SNTG1: variants seen among roughly 807,000 people sequenced by gnomAD.
SNTG1 encodes the protein gamma-1-syntrophin.
A neutral mutation model predicts 74.7 loss-of-function variants in SNTG1; 39 were observed. That is an observed-to-expected ratio of 0.52 (90% confidence interval 0.40 to 0.68). The LOEUF is 0.68. Ranked by LOEUF, SNTG1 falls within the 30% of genes least tolerant of loss-of-function variation. The pLI is 0.00. For synonymous variants in SNTG1, 254 were observed against 217.1 expected (o/e 1.17, Z -1.49); for missense variants, 685 against 609.5 (o/e 1.12, Z -1.30).
At chr8:50,039,739 A>G (rs540424970) in intron 1 of SNTG1, among the ~76,000 whole-genome samples, 21 of 152,046 alleles carry the variant, frequency 1.4e-4, no homozygotes, top group Non-Finnish European at 2.9e-4. Flanking sequence ...GAATTTTACT[A>G]GTTTGTATGC....
At chr8:50,282,303 G>A (rs1304042198) in intron 2 of SNTG1, among the ~76,000 whole-genome samples, 1 of 152,150 alleles carries the variant, frequency 6.6e-6, no homozygotes, top group East Asian at 1.9e-4. Context: ...CTGTCAGTTT[G>A]TAAGAGAGAG....
intron 2 of SNTG1, among the ~76,000 whole-genome samples, chr8:50,297,079 A>T (rs748036843): frequency 7.9e-5 from 12 of 152,168 alleles, no homozygotes; most frequent in Non-Finnish European, 1.6e-4. Context: ...CATGGTCTTT[A>T]ATTTCATGGA....
intron 1 of SNTG1, among the ~76,000 whole-genome samples, chr8:50,157,618 T>C (rs1017021226): frequency 5.7e-4 from 87 of 152,246 alleles, no homozygotes; most frequent in Middle Eastern, 6.8e-3. Context: ...TTATGGAATT[T>C]CCCCGAGCTT....
intron 2 of SNTG1, among the ~76,000 whole-genome samples, chr8:50,364,415 CG>C (rs2092048949): frequency 6.6e-6 from 1 of 152,118 alleles, no homozygotes; most frequent in African/African-American, 2.4e-5. Flanking sequence ...TCTATGACAT[CG>C]TAATTTCACA....
chr8:50,380,414 A>AT (rs1488784475), intron 2 of SNTG1, among the ~76,000 whole-genome samples: 1 of 152,214 alleles, frequency 6.6e-6, no homozygotes, highest in Non-Finnish European at 1.5e-5. Context: ...TAAATTTTGC[A>AT]TATTTCATTA....
chr8:49,991,981 A>G (rs1163504085), intron 1 of SNTG1, among the ~76,000 whole-genome samples: 1 of 152,212 alleles, frequency 6.6e-6, no homozygotes, highest in Non-Finnish European at 1.5e-5. Flanking sequence ...GCTGTTAAAA[A>G]ATAATGTCTG....
At chr8:50,122,098 G>A (rs2081015462) in intron 1 of SNTG1, among the ~76,000 whole-genome samples, 1 of 140,512 alleles carries the variant, frequency 7.1e-6, no homozygotes, top group Non-Finnish European at 1.6e-5. Context: ...TTGGTTTAGG[G>A]ACCCCCAGTG....
chr8:49,993,811 G>A (rs2130350028), intron 1 of SNTG1, among the ~76,000 whole-genome samples: 1 of 152,240 alleles, frequency 6.6e-6, no homozygotes, highest in Middle Eastern at 3.4e-3. Context: ...TATCATTGAT[G>A]GGATTTTGGG....
intron 15 of SNTG1, among the ~76,000 whole-genome samples, chr8:50,693,945 G>A (rs1482026923): frequency 6.6e-6 from 1 of 151,720 alleles, no homozygotes; most frequent in Non-Finnish European, 1.5e-5. Context: ...AAAACCTATG[G>A]GATACAGAAA....
At chr8:50,000,187 T>G (rs1005800157) in intron 1 of SNTG1, among the ~76,000 whole-genome samples, 6 of 152,130 alleles carry the variant, frequency 3.9e-5, no homozygotes, top group East Asian at 3.9e-4. Flanking sequence ...TCTGCTTCTG[T>G]TTTTCCTGCT....
At chr8:50,161,136 T>C (rs2082402940) in intron 1 of SNTG1, among the ~76,000 whole-genome samples, 1 of 152,212 alleles carries the variant, frequency 6.6e-6, no homozygotes, top group South Asian at 2.1e-4. Flanking sequence ...TGATGATCCA[T>C]GAAAGAACTT....
chr8:50,318,057 C>G (rs890679110), intron 2 of SNTG1, among the ~76,000 whole-genome samples: 1 of 152,044 alleles, frequency 6.6e-6, no homozygotes, highest in Non-Finnish European at 1.5e-5. Context: ...AGGAAGGTCT[C>G]GATCTCCTGA....
At chr8:49,993,248 G>T (rs1211489632) in intron 1 of SNTG1, among the ~76,000 whole-genome samples, 1 of 152,018 alleles carries the variant, frequency 6.6e-6, no homozygotes, top group Admixed American at 6.6e-5. Context: ...CAAAGCGGGA[G>T]GGGGGCACTT....
Position 50,451,848 on chromosome 8 carries a change from A to C in SNTG1, c.363+1119A>C, listed in dbSNP as rs149440452. Among the ~76,000 whole-genome samples the C allele has an allele frequency of 3.5e-3, 528 of 152,324 alleles. 3 individuals are homozygous for C. The highest frequency in any genetic ancestry group is 6.3e-3 in the Non-Finnish European group (426 of 68,038). On this transcript the variant is annotated intron_variant, in intron 8 of 18. Transcript: ENST00000642720. ...ACATGTCTGTCGTGGTTGAATAAATATCATTCAAAAACCTCACTGATTTCT... is the reference window on the plus strand; with the variant it reads ...ACATGTCTGTCGTGGTTGAATAAATCTCATTCAAAAACCTCACTGATTTCT...
chr8:50,720,246 C>G (rs1445410335), intron 17 of SNTG1, among the ~76,000 whole-genome samples: 1 of 152,170 alleles, frequency 6.6e-6, no homozygotes, highest in Non-Finnish European at 1.5e-5. Flanking sequence ...ATCCTCTTGC[C>G]TTATCCTTAC....
intron 2 of SNTG1, among the ~76,000 whole-genome samples, chr8:50,300,331 T>C (rs1390841668): frequency 2.0e-5 from 3 of 152,184 alleles, no homozygotes; most frequent in African/African-American, 7.2e-5. Flanking sequence ...ATAGTATACA[T>C]TTTTGTGTGT....
intron 13 of SNTG1, among the ~76,000 whole-genome samples, chr8:50,603,483 A>G (rs1335271096): frequency 6.6e-6 from 1 of 152,202 alleles, no homozygotes; most frequent in African/African-American, 2.4e-5. Flanking sequence ...GAAAGGTCAT[A>G]CATCTGTATT....
chr8:50,286,612 A>G (rs1209120157), intron 2 of SNTG1: 1 of 152,212 alleles, frequency 6.6e-6, no homozygotes. Context: ...ACCTAAGCTG[A>G]GCCGGGTTGT....
chr8:50,103,560 C>G (rs1399053785), intron 1 of SNTG1, among the ~76,000 whole-genome samples: 1 of 152,184 alleles, frequency 6.6e-6, no homozygotes, highest in Non-Finnish European at 1.5e-5. Flanking sequence ...ATTTCCTTCT[C>G]CTGCCTAATT....
Sources: allele counts gnomAD v4.1 joint callset (sites outside exome capture counted in the v4.1 genomes callset), GRCh38; gene constraint gnomAD v4.1.1; transcripts MANE v1.5; gene names NCBI Gene and HGNC (gene_info 2026-07-23, HGNC 2026-07-21).